Variants in AKAP6 observed in about 807,000 individuals in gnomAD.
The protein encoded by AKAP6 is A-kinase anchoring protein 6.
AKAP6 carries 58 observed loss-of-function variants against 188.5 expected under a neutral mutation model. The observed-to-expected ratio is 0.31, with a 90% CI of 0.25 to 0.38. AKAP6 has a LOEUF of 0.38. AKAP6 is among the 10% of genes least tolerant of loss of function. The probability of loss-of-function intolerance (pLI) is 1.00; values close to 1 mark genes in which losing one functional copy is unlikely to be tolerated. For missense variants in AKAP6, 2,710 were observed against 2,740.0 expected, an observed-to-expected ratio of 0.99 and a Z score of 0.24; for synonymous variants, 989 against 998.6, an observed-to-expected ratio of 0.99 and a Z score of 0.18.
chr14:32,773,927 T>C, intron 12 of AKAP6, 34 bp downstream of exon 12: 1 of 1,583,530 alleles, frequency 6.3e-7, no homozygotes, highest in Non-Finnish European at 8.7e-7. Context: ...TAATTGTCTG[T>C]CATTTTCTCA....
intron 8 of AKAP6, among the ~76,000 whole-genome samples, chr14:32,687,159 A>G (rs1321573611): frequency 1.3e-5 from 2 of 152,232 alleles, no homozygotes; most frequent in African/African-American, 4.8e-5. Context: ...AAGTATATAC[A>G]AATATAACAT....
chr14:32,800,040 T>A (rs1361573857), intron 12 of AKAP6, among the ~76,000 whole-genome samples: 6 of 96,850 alleles, frequency 6.2e-5, no homozygotes, highest in Admixed American at 2.0e-4. Flanking sequence ...CAAAACCCTG[T>A]CTCTCTCTCT....
At chr14:32,428,126 A>C (rs998065931) in intron 1 of AKAP6, among the ~76,000 whole-genome samples, 2 of 152,208 alleles carry the variant, frequency 1.3e-5, no homozygotes, top group African/African-American at 4.8e-5. Flanking sequence ...AGTCATGTTA[A>C]CACAGTACTA....
Position 32,440,442 on chromosome 14 carries a change from C to A in AKAP6, c.324+6625C>A, listed in dbSNP as rs917787195. Among the ~76,000 whole-genome samples the A allele has an allele frequency of 3.3e-5, 5 of 151,886 alleles. No individual in the cohort carries two copies. The East Asian group carries it at 9.7e-4, about 29-fold the overall frequency. On this transcript the variant is annotated intron_variant, in intron 2 of 13. Coordinates refer to ENST00000280979, the MANE Select transcript of AKAP6 (RefSeq NM_004274.5). The stretch of plus-strand genomic sequence containing the variant: ...AACATATACATATGTAACAAACCTG[C>A]ACATTGTGCACATGTACCCTAGAAC...
intron 1 of AKAP6, among the ~76,000 whole-genome samples, chr14:32,403,704 A>G (rs1889173800): frequency 6.6e-6 from 1 of 152,250 alleles, no homozygotes; most frequent in Non-Finnish European, 1.5e-5. Context: ...AATGCATGAA[A>G]AACATTTAAA....
At chr14:32,512,992 G>A (rs1299109698) in intron 2 of AKAP6, among the ~76,000 whole-genome samples, 3 of 152,180 alleles carry the variant, frequency 2.0e-5, no homozygotes, top group African/African-American at 7.2e-5. Flanking sequence ...TTTTAGTCAT[G>A]CAAAGTTTAT....
intron 2 of AKAP6, among the ~76,000 whole-genome samples, chr14:32,503,111 A>AT (rs997459470): frequency 2.6e-5 from 4 of 151,576 alleles, no homozygotes; most frequent in East Asian, 1.9e-4. Flanking sequence ...GTGTTATGAA[A>AT]TTTTTTTTTG....
intron 7 of AKAP6, among the ~76,000 whole-genome samples, chr14:32,615,613 T>TTTTTTTTTTTTTA (rs1886542033): frequency 7.0e-6 from 1 of 143,032 alleles, no homozygotes; most frequent in Non-Finnish European, 1.5e-5. Flanking sequence ...TTTTTTTTTT[T>TTTTTTTTTTTTTA]GAGACAGAGT....
Position 32,824,161 on chromosome 14 carries a change from A to G in AKAP6, c.6348A>G (p.Ser2116=). The stretch of plus-strand genomic sequence containing the variant: ...ACTTTTATTCGTACTTATCTCTCTC[A>G]TCTCATGACAGTGATTGTGGGGAGG... ...KGDFYSYLSL[S]SHDSDCGEVT... Residue 2116 remains serine (S), a synonymous_variant, in exon 13 of 14, where the codon TCA becomes TCG. Transcript: ENST00000280979. The G allele has an allele frequency of 1.2e-6, 2 of 1,613,978 alleles. 1 individual carries two copies. The highest frequency in any genetic ancestry group is 1.7e-6 in the Non-Finnish European group (2 of 1,179,906).
At chr14:32,561,592 A>G (rs1883956809) in intron 4 of AKAP6, among the ~76,000 whole-genome samples, 1 of 152,098 alleles carries the variant, frequency 6.6e-6, no homozygotes, top group Non-Finnish European at 1.5e-5. Flanking sequence ...AGAAGATCCT[A>G]ATGGTAAGTG....
Position 32,824,250 on chromosome 14 carries a change from T to G in AKAP6, c.6437T>G (p.Leu2146Ter). Residue 2146 changes from leucine (L) to a stop codon, truncating the protein, a stop_gained, in exon 13 of 14, where the codon TTA becomes TGA. Transcript: ENST00000280979. LOFTEE classifies it high-confidence loss of function. ...PLPLDTTDSG[L>*]DDKEDIECFF... ...CCACTAGACACCACTGACTCGGGCT[T>G]AGATGACAAGGAAGATATTGAATGC... 1 of 1,613,944 alleles carries G rather than the reference T, an allele frequency of 6.2e-7. No homozygotes were observed. Among genetic ancestry groups the G allele is most frequent in the Non-Finnish European group, 8.5e-7 (1 of 1,179,948 alleles).
At chr14:32,375,099 C>T (rs1474079058) in intron 1 of AKAP6, among the ~76,000 whole-genome samples, 1 of 152,052 alleles carries the variant, frequency 6.6e-6, no homozygotes, top group African/African-American at 2.4e-5. Context: ...TGAAACAGTA[C>T]TAATCAATTC....
chr14:32,799,151 G>A (rs569373534), intron 12 of AKAP6, among the ~76,000 whole-genome samples: 4 of 152,274 alleles, frequency 2.6e-5, no homozygotes, highest in African/African-American at 9.6e-5. Context: ...CCTGTCTTAA[G>A]TGATGGATTT....
At chr14:32,381,036 C>A (rs538662651) in intron 1 of AKAP6, among the ~76,000 whole-genome samples, 2 of 151,938 alleles carry the variant, frequency 1.3e-5, no homozygotes, top group East Asian at 1.9e-4. Flanking sequence ...TTTAAAGATA[C>A]GTATTAATAG....
chr14:32,492,014 G>A (rs1880042133), intron 2 of AKAP6, among the ~76,000 whole-genome samples: 1 of 152,010 alleles, frequency 6.6e-6, no homozygotes, highest in African/African-American at 2.4e-5. Flanking sequence ...TGAAGTGTGA[G>A]GGTTATCTTA....
At chr14:32,650,276 C>T (rs960796691) in intron 7 of AKAP6, among the ~76,000 whole-genome samples, 1 of 152,154 alleles carries the variant, frequency 6.6e-6, no homozygotes, top group Admixed American at 6.5e-5. Flanking sequence ...TAACGCATAG[C>T]GGTTTGTCTT....
At chr14:32,548,547 T>TAGAC (rs1883307312) in intron 4 of AKAP6, among the ~76,000 whole-genome samples, 2 of 151,042 alleles carry the variant, frequency 1.3e-5, no homozygotes, top group Admixed American at 1.3e-4. Flanking sequence ...GATAGATAGA[T>TAGAC]AGATAGATAG....
intron 2 of AKAP6, among the ~76,000 whole-genome samples, chr14:32,519,435 G>A (rs552356057): frequency 6.6e-5 from 10 of 152,080 alleles, no homozygotes; most frequent in Non-Finnish European, 8.8e-5. Flanking sequence ...TCAGTGTGCT[G>A]TATTCAGGAG....
At chr14:32,608,688 A>T (rs1038989074) in intron 7 of AKAP6, among the ~76,000 whole-genome samples, 2 of 152,152 alleles carry the variant, frequency 1.3e-5, no homozygotes, top group Non-Finnish European at 2.9e-5. Flanking sequence ...TTAGTCCAAG[A>T]ATGCCTAATC....
Sources: gnomAD v4.1 joint callset for allele counts (sites outside exome capture counted in the v4.1 genomes callset) on GRCh38, gnomAD v4.1.1 for gene constraint, MANE v1.5 for transcripts, NCBI Gene and HGNC (gene_info 2026-07-23, HGNC 2026-07-21) for gene names.